ZSCAN4: variants seen among roughly 807,000 people sequenced by gnomAD.
The protein encoded by ZSCAN4 is zinc finger and SCAN domain containing 4, also known as zinc finger and SCAN domain-containing protein 4.
Under a neutral mutation model 18.3 loss-of-function variants are expected in ZSCAN4, and 18 were observed. The ratio of observed to expected loss-of-function variants is 0.98; its 90% CI spans 0.68 to 1.46. The LOEUF (loss-of-function observed/expected upper bound fraction) is 1.46, where lower values mean the gene tolerates loss of function less well. Ranked by LOEUF, ZSCAN4 falls within the 40% of genes most tolerant of loss-of-function variation. The pLI is 0.00. For synonymous variants in ZSCAN4, 193 were observed against 180.3 expected, an observed-to-expected ratio of 1.07 and a Z score of -0.57; for missense variants, 498 against 511.4, an observed-to-expected ratio of 0.97 and a Z score of 0.25.
chr19:57,666,952 G>A (rs1351615403), upstream of ZSCAN4, among the ~76,000 whole-genome samples: 1 of 152,064 alleles, frequency 6.6e-6, no homozygotes, highest in East Asian at 1.9e-4. Flanking sequence ...ATACTGAGGC[G>A]GATTGGCTTT....
At chr19:57,676,082 C>A (rs1325400008) in exon 3 of ZSCAN4, 8 of 1,487,066 alleles carry the variant, frequency 5.4e-6, no homozygotes, top group Non-Finnish European at 6.3e-6. Context: ...AAACAAATCC[C>A]TAGAGACACA....
the ZSCAN4 span, among the ~76,000 whole-genome samples, chr19:57,659,019 A>T: frequency 4.6e-5 from 7 of 152,174 alleles, no homozygotes; most frequent in African/African-American, 1.7e-4. Context: ...ATAGTCAATT[A>T]TATTGAAAGT....
chr19:57,655,327 C>T, the ZSCAN4 span, among the ~76,000 whole-genome samples: 1 of 152,158 alleles, frequency 6.6e-6, no homozygotes, highest in Non-Finnish European at 1.5e-5. Flanking sequence ...CTGAAAAATG[C>T]CCTTTCAATG....
intron 2 of ZSCAN4, among the ~76,000 whole-genome samples, chr19:57,671,667 T>C (rs1429656158): frequency 1.3e-5 from 2 of 151,206 alleles, no homozygotes; most frequent in Non-Finnish European, 3.0e-5. Context: ...GAGAGTAGAG[T>C]GGGGTATGAT....
At chr19:57,678,451 C>G (rs757975063) in exon 5 of ZSCAN4, 25 of 1,614,024 alleles carry the variant, frequency 1.5e-5, no homozygotes, top group Non-Finnish European at 4.2e-6. Context: ...CAGTCCTCCC[C>G]TGAGTCTGCC....
chr19:57,672,683 A>G (rs1600006226), intron 2 of ZSCAN4, among the ~76,000 whole-genome samples: 1 of 151,022 alleles, frequency 6.6e-6, no homozygotes. Flanking sequence ...GTTCACTACA[A>G]CCCCCACCTC....
chr19:57,672,570 G>T (rs1189638493), intron 2 of ZSCAN4, among the ~76,000 whole-genome samples: 5 of 151,470 alleles, frequency 3.3e-5, no homozygotes, highest in African/African-American at 1.2e-4. Flanking sequence ...CCACGATCAA[G>T]CTAGTTAACA....
chr19:57,671,509 AAAG>A (rs780098968), intron 2 of ZSCAN4, among the ~76,000 whole-genome samples: 339 of 147,772 alleles, frequency 2.3e-3, no homozygotes, highest in Non-Finnish European at 3.8e-3. Flanking sequence ...AAAAAAAAAA[AAAG>A]AGAGAGAGAG....
the ZSCAN4 span, among the ~76,000 whole-genome samples, chr19:57,662,965 C>T: frequency 6.6e-6 from 1 of 152,082 alleles, no homozygotes; most frequent in Non-Finnish European, 1.5e-5. Flanking sequence ...TCACTGCAGC[C>T]TCAACCTCCT....
intron 2 of ZSCAN4, among the ~76,000 whole-genome samples, chr19:57,671,073 T>C (rs1984007732): frequency 6.6e-6 from 1 of 152,058 alleles, no homozygotes; most frequent in Non-Finnish European, 1.5e-5. Context: ...TGTTGCCCAG[T>C]GTGGTCTCAA....
chr19:57,677,851 T>C, intron 3 of ZSCAN4, 63 bp from the exon 4 acceptor site: 1 of 1,464,278 alleles, frequency 6.8e-7, no homozygotes, highest in Non-Finnish European at 9.0e-7. Context: ...AGGACCACTT[T>C]TCCAAAAAGT....
At chr19:57,677,983 C>T (rs1444403791) in exon 4 of ZSCAN4, 3 of 1,601,820 alleles carry the variant, frequency 1.9e-6, no homozygotes, top group South Asian at 2.3e-5. Context: ...TGTCATTGTT[C>T]ATCTCACAAA....
chr19:57,670,671 T>C (rs943739631), intron 2 of ZSCAN4, 104 bp downstream of exon 2: 10 of 152,198 alleles, frequency 6.6e-5, no homozygotes, highest in Non-Finnish European at 1.2e-4. Context: ...TGTGTATACA[T>C]GTGTATGTAG....
At chr19:57,655,339 C>T in the ZSCAN4 span, among the ~76,000 whole-genome samples, 5 of 152,148 alleles carry the variant, frequency 3.3e-5, no homozygotes, top group African/African-American at 9.7e-5. Context: ...CTTTCAATGT[C>T]GCCAGCACTG....
At chr19:57,656,922 A>G in the ZSCAN4 span, among the ~76,000 whole-genome samples, 2 of 151,992 alleles carry the variant, frequency 1.3e-5, no homozygotes, top group African/African-American at 4.8e-5. Context: ...GGGAGGTCGA[A>G]GCTTCAGTGA....
At chr19:57,657,893 A>C in the ZSCAN4 span, among the ~76,000 whole-genome samples, 1 of 152,232 alleles carries the variant, frequency 6.6e-6, no homozygotes, top group Non-Finnish European at 1.5e-5. Flanking sequence ...TGCTGTTTAA[A>C]TAGCTGCTAC....
intron 2 of ZSCAN4, among the ~76,000 whole-genome samples, chr19:57,672,796 T>C (rs1198634258): frequency 6.6e-6 from 1 of 151,978 alleles, no homozygotes; most frequent in East Asian, 1.9e-4. Flanking sequence ...AGAGGTGGGG[T>C]TTCACCATGT....
chr19:57,669,360 G>A (rs989542545), intron 1 of ZSCAN4, among the ~76,000 whole-genome samples, 157 bp downstream of exon 1: 9 of 151,210 alleles, frequency 6.0e-5, no homozygotes, highest in Non-Finnish European at 1.0e-4. Flanking sequence ...CACCCAGCCT[G>A]TCTTTATATT....
the ZSCAN4 span, among the ~76,000 whole-genome samples, chr19:57,658,743 A>T: frequency 6.6e-6 from 1 of 151,268 alleles, no homozygotes; most frequent in Non-Finnish European, 1.5e-5. Context: ...CTGAGGCAGG[A>T]GAATCACTTG....
Sources: allele counts gnomAD v4.1 joint callset (sites outside exome capture counted in the v4.1 genomes callset), GRCh38; gene constraint gnomAD v4.1.1; transcripts MANE v1.5; gene names NCBI Gene and HGNC (gene_info 2026-07-23, HGNC 2026-07-21).